RBM6: variants seen among roughly 807,000 people sequenced by gnomAD.
The protein encoded by RBM6 is RNA-binding protein 6.
RBM6 carries 23 observed loss-of-function variants against 140.4 expected under a neutral mutation model. The ratio of observed to expected loss-of-function variants is 0.16; its 90% CI spans 0.12 to 0.23. The LOEUF is 0.23. RBM6 is among the 10% of genes least tolerant of loss of function. The probability of loss-of-function intolerance (pLI) is 1.00; values close to 1 mark genes in which losing one functional copy is unlikely to be tolerated. For missense variants in RBM6, 1,139 were observed against 1,386.7 expected, an observed-to-expected ratio of 0.82 and a Z score of 2.84; for synonymous variants, 439 against 475.6, an observed-to-expected ratio of 0.92 and a Z score of 1.00.
intron 1 of RBM6, among the ~76,000 whole-genome samples, chr3:49,953,961 A>G (rs2083854494): frequency 6.6e-6 from 1 of 152,008 alleles, no homozygotes; most frequent in Non-Finnish European, 1.5e-5. Flanking sequence ...ACGAAACCCT[A>G]GGTCTACCAG....
intron 6 of RBM6, among the ~76,000 whole-genome samples, chr3:50,041,911 A>G (rs1434608132): frequency 2.0e-5 from 3 of 152,162 alleles, no homozygotes; most frequent in Non-Finnish European, 4.4e-5. Flanking sequence ...TCATGAATGG[A>G]CTGACTCTCT....
chr3:49,940,762 C>T (rs2083248876), intron 1 of RBM6: 2 of 152,600 alleles, frequency 1.3e-5, no homozygotes, highest in Non-Finnish European at 2.9e-5. Flanking sequence ...GTTCTGCGCC[C>T]GTTAGGCAAT....
At chr3:50,039,854 G>C (rs2088776185) in intron 6 of RBM6, among the ~76,000 whole-genome samples, 1 of 152,108 alleles carries the variant, frequency 6.6e-6, no homozygotes, top group Middle Eastern at 3.2e-3. Context: ...AGGCTCTTTT[G>C]ATTACTTACT....
intron 6 of RBM6, among the ~76,000 whole-genome samples, chr3:50,041,823 A>G (rs1392846677): frequency 6.6e-6 from 1 of 152,206 alleles, no homozygotes; most frequent in Non-Finnish European, 1.5e-5. Flanking sequence ...AAAACTCCCT[A>G]TGAGTCCATT....
intron 6 of RBM6, among the ~76,000 whole-genome samples, chr3:50,004,006 G>C (rs1484501247): frequency 6.6e-6 from 1 of 152,206 alleles, no homozygotes; most frequent in Non-Finnish European, 1.5e-5. Flanking sequence ...CTTGCACTGG[G>C]ACTTGGGGAG....
At chr3:49,965,873 C>T (rs530704347) in intron 2 of RBM6, among the ~76,000 whole-genome samples, 111 of 152,142 alleles carry the variant, frequency 7.3e-4, no homozygotes, top group African/African-American at 2.5e-3. Flanking sequence ...ACGCCTGTAA[C>T]CCTAACCTTG....
At chr3:49,955,166 T>TC (rs1178206341) in intron 1 of RBM6, among the ~76,000 whole-genome samples, 5 of 109,842 alleles carry the variant, frequency 4.6e-5, no homozygotes, top group Admixed American at 1.9e-4. Context: ...CTTTCTTTTT[T>TC]TTTTTTTTTT....
At chr3:49,970,897 A>T (rs907842422) in intron 3 of RBM6, among the ~76,000 whole-genome samples, 1 of 152,112 alleles carries the variant, frequency 6.6e-6, no homozygotes, top group Admixed American at 6.6e-5. Flanking sequence ...TGGGAGGCAA[A>T]GGTGGGCAGA....
chr3:49,980,042 C>T (rs933264526), intron 5 of RBM6, among the ~76,000 whole-genome samples: 3 of 151,792 alleles, frequency 2.0e-5, no homozygotes, highest in Non-Finnish European at 2.9e-5. Context: ...GTTTGGTCAC[C>T]CAAGCTGGAG....
At chr3:49,995,795 T>C (rs17657688) in intron 5 of RBM6, among the ~76,000 whole-genome samples, 59,243 of 151,994 alleles carry the variant, frequency 0.39, 12,044 homozygotes, top group Non-Finnish European at 0.44. Flanking sequence ...TGATTCCATA[T>C]GGTTCCTAGC....
At chr3:50,076,858 C>T (rs540364719) in intron 20 of RBM6, 150 bp from the exon 21 acceptor site, 11 of 667,252 alleles carry the variant, frequency 1.6e-5, no homozygotes, top group South Asian at 1.2e-4. Context: ...CACTCTAGCC[C>T]GGGCGACAGA....
intron 6 of RBM6, among the ~76,000 whole-genome samples, chr3:50,036,035 C>T (rs772075088): frequency 1.3e-5 from 2 of 152,092 alleles, no homozygotes; most frequent in Non-Finnish European, 2.9e-5. Flanking sequence ...GCTGGGATTA[C>T]AGACGTGAGC....
intron 4 of RBM6, among the ~76,000 whole-genome samples, chr3:49,973,138 G>T (rs2624819): frequency 0.39 from 59,402 of 151,568 alleles, 12,112 homozygotes; most frequent in Non-Finnish European, 0.44. Flanking sequence ...GCCCATTTTT[G>T]ATTTTTTTGA....
chr3:49,979,772 A>G (rs753813433), intron 5 of RBM6, among the ~76,000 whole-genome samples: 11 of 152,024 alleles, frequency 7.2e-5, no homozygotes, highest in Non-Finnish European at 1.5e-4. Flanking sequence ...GCTACATACT[A>G]TATGTGTATG....
At position 49,968,644 on chromosome 3, in the gene RBM6, C is replaced by A; in HGVS notation, c.1219C>A (p.Arg407Ser). 6.2e-7 allele frequency: 1 copy of A among 1,614,110 alleles called. No homozygotes were observed. The change falls in exon 3 of 21, where the codon CGT becomes AGT. Residue 407 changes from arginine (R) to serine (S), a missense_variant. By Grantham distance (110) the Arg-to-Ser change is moderately radical. Coordinates refer to ENST00000266022, the MANE Select transcript of RBM6 (RefSeq NM_005777.3). ...CACCGATTACAGAAGCATGGAGTAC[C>A]GTGATGTGGATCATAGGCTGCCAGG... ...QDTDYRSMEY[R>S]DVDHRLPGSQ... is the part of the protein sequence containing the mutation.
chr3:49,993,312 G>A (rs1031284271), intron 5 of RBM6, among the ~76,000 whole-genome samples: 17 of 152,252 alleles, frequency 1.1e-4, no homozygotes, highest in African/African-American at 3.1e-4. Flanking sequence ...TAACCAGTTG[G>A]CACAGATACA....
intron 6 of RBM6, among the ~76,000 whole-genome samples, chr3:50,017,903 A>G (rs1377366189): frequency 1.3e-5 from 2 of 152,128 alleles, no homozygotes; most frequent in African/African-American, 4.8e-5. Flanking sequence ...TAGTTTTACA[A>G]TTTCTGTTCT....
intron 8 of RBM6, among the ~76,000 whole-genome samples, chr3:50,056,444 G>A (rs758585389): frequency 1.3e-5 from 2 of 151,906 alleles, no homozygotes; most frequent in Non-Finnish European, 1.5e-5. Context: ...ACAGGCACCC[G>A]CCACCGTGCC....
intron 5 of RBM6, among the ~76,000 whole-genome samples, chr3:49,976,109 A>C (rs2085051187): frequency 6.6e-6 from 1 of 152,182 alleles, no homozygotes; most frequent in Admixed American, 6.6e-5. Context: ...AAATAAAGGT[A>C]ATCTTTAGGT....
Sources: gnomAD v4.1 joint callset for allele counts (sites outside exome capture counted in the v4.1 genomes callset) on GRCh38, gnomAD v4.1.1 for gene constraint, MANE v1.5 for transcripts, NCBI Gene and HGNC (gene_info 2026-07-23, HGNC 2026-07-21) for gene names.